Variants in LMBRD1 observed in about 807,000 individuals in gnomAD.
LMBRD1 encodes LMBR1 domain containing 1.
LMBRD1 carries 64 observed loss-of-function variants against 74.8 expected under a neutral mutation model. The ratio of observed to expected loss-of-function variants is 0.86; its 90% CI spans 0.70 to 1.05. The LOEUF is 1.05. Ranked by LOEUF, LMBRD1 falls within the 50% of genes least tolerant of loss-of-function variation. LMBRD1 has a pLI of 0.00. For synonymous variants in LMBRD1, 204 were observed against 216.3 expected, an observed-to-expected ratio of 0.94 and a Z score of 0.50; for missense variants, 652 against 645.9, an observed-to-expected ratio of 1.01 and a Z score of -0.10.
chr6:69,728,913 T>C (rs1375727693), intron 7 of LMBRD1, among the ~76,000 whole-genome samples: 1 of 152,140 alleles, frequency 6.6e-6, no homozygotes, highest in Non-Finnish European at 1.5e-5. Context: ...TGCTGCTACT[T>C]TAACCAGAGC....
chr6:69,714,445 A>C (rs373773579), intron 8 of LMBRD1, among the ~76,000 whole-genome samples: 2 of 152,142 alleles, frequency 1.3e-5, no homozygotes. Context: ...CTTTCTCATC[A>C]TATCTCATAG....
At chr6:69,694,058 C>T (rs1445061636) in intron 14 of LMBRD1, among the ~76,000 whole-genome samples, 1 of 151,968 alleles carries the variant, frequency 6.6e-6, no homozygotes, top group Non-Finnish European at 1.5e-5. Context: ...TCATTTTTAA[C>T]TACTATAAAT....
In LMBRD1 at chr6:69,688,684, A is replaced by G. The variant is rs534652943; in HGVS notation, c.1417+8879T>C. Among the ~76,000 whole-genome samples, 58 of 152,074 alleles carry G rather than the reference A, an allele frequency of 3.8e-4. 1 individual carries two copies. The highest frequency in any genetic ancestry group is 6.8e-3 in the Middle Eastern group (2 of 294). ...GATGTATGTCATCATTGTGTCTCTC[A>G]TTGTTTCATCCTTAAAAATGTGTAA... On this transcript the variant is annotated intron_variant, in intron 14 of 15. Coordinates refer to ENST00000649934, the MANE Select transcript of LMBRD1 (RefSeq NM_018368.4).
At chr6:69,690,953 G>A (rs1765863438) in intron 14 of LMBRD1, among the ~76,000 whole-genome samples, 1 of 152,018 alleles carries the variant, frequency 6.6e-6, no homozygotes, top group African/African-American at 2.4e-5. Context: ...CTCTAAACAT[G>A]ATACTTTATT....
intron 11 of LMBRD1, among the ~76,000 whole-genome samples, chr6:69,701,211 G>A (rs1190106922): frequency 6.6e-6 from 1 of 151,724 alleles, no homozygotes; most frequent in East Asian, 1.9e-4. Context: ...GTCAAATTAT[G>A]TATAACATAA....
chr6:69,782,067 T>C (rs1023058382), intron 2 of LMBRD1, among the ~76,000 whole-genome samples: 1 of 152,214 alleles, frequency 6.6e-6, no homozygotes, highest in Non-Finnish European at 1.5e-5. Context: ...CATCCAGTAA[T>C]GCCAAAATGT....
intron 2 of LMBRD1, among the ~76,000 whole-genome samples, chr6:69,781,792 T>C (rs1177675918): frequency 6.6e-6 from 1 of 152,150 alleles, no homozygotes; most frequent in Admixed American, 6.5e-5. Flanking sequence ...TGTTCCCACA[T>C]TTAAAGATTG....
chr6:69,731,004 T>C (rs1397989793), intron 7 of LMBRD1, among the ~76,000 whole-genome samples: 2 of 152,124 alleles, frequency 1.3e-5, no homozygotes, highest in African/African-American at 4.8e-5. Flanking sequence ...CAAGAAAAGC[T>C]GCACATCAAT....
chr6:69,734,977 A>G (rs959129522), intron 7 of LMBRD1, among the ~76,000 whole-genome samples: 1 of 152,238 alleles, frequency 6.6e-6, no homozygotes, highest in African/African-American at 2.4e-5. Flanking sequence ...AGCTCCTCCT[A>G]CCACCACACA....
chr6:69,759,770 GAA>G (rs1250623036), intron 3 of LMBRD1, among the ~76,000 whole-genome samples: 2 of 151,982 alleles, frequency 1.3e-5, no homozygotes, highest in Non-Finnish European at 1.5e-5. Context: ...TTCTAGTGAG[GAA>G]AAGACACAAT....
intron 3 of LMBRD1, among the ~76,000 whole-genome samples, chr6:69,773,990 T>C (rs1012364474): frequency 6.6e-6 from 1 of 152,212 alleles, no homozygotes; most frequent in Non-Finnish European, 1.5e-5. Context: ...CACAAGATGA[T>C]AGCCTGAAAA....
intron 4 of LMBRD1, among the ~76,000 whole-genome samples, chr6:69,751,091 T>C (rs1765138512): frequency 6.6e-6 from 1 of 152,126 alleles, no homozygotes. Flanking sequence ...CCTTTTAACA[T>C]ATATTTTTTT....
chr6:69,688,401 G>GTTTTTTTT (rs142237925), intron 14 of LMBRD1, among the ~76,000 whole-genome samples: 2 of 148,948 alleles, frequency 1.3e-5, no homozygotes, highest in Non-Finnish European at 1.5e-5. Flanking sequence ...GAAGGGCAGA[G>GTTTTTTTT]ATTTTTTTTT....
intron 14 of LMBRD1, among the ~76,000 whole-genome samples, chr6:69,690,687 C>T (rs1765857850): frequency 1.3e-5 from 2 of 151,996 alleles, no homozygotes; most frequent in Admixed American, 6.6e-5. Context: ...ACCACATTTG[C>T]CCTGATGTGA....
Position 69,701,547 on chromosome 6 carries a change from T to TAA in LMBRD1, c.981-4_981-3dup, listed in dbSNP as rs202207965. Reference sequence around the variant, plus strand: ...GCTGAATGAAGAGCTTTATCTAAACTAAAAAAAATTACAAAGAATGAAATT... The same window carrying TAA: ...GCTGAATGAAGAGCTTTATCTAAACTAAAAAAAAAATTACAAAGAATGAAATT... On this transcript the variant is annotated splice_polypyrimidine_tract_variant and splice_region_variant and intron_variant, in intron 10 of 15. Transcript: ENST00000649934. 3 of 1,542,078 alleles carry TAA rather than the reference T, an allele frequency of 1.9e-6. No homozygotes were observed. Among genetic ancestry groups the TAA allele is most frequent in the East Asian group, 4.5e-5 (2 of 43,962 alleles).
chr6:69,749,461 A>G (rs1011267429), intron 4 of LMBRD1, 53 bp from the exon 5 acceptor site: 45 of 1,391,220 alleles, frequency 3.2e-5, no homozygotes, highest in Admixed American at 5.0e-5. Context: ...TTAAAATATA[A>G]AATATTCTTG....
rs569275565 is a variant in LMBRD1, at chr6:69,777,162, A to G, written c.307+3332T>C. Among the ~76,000 whole-genome samples the G allele has an allele frequency of 9.2e-5, 14 of 151,798 alleles. 1 individual carries two copies. In the South Asian group the frequency reaches 2.9e-3, roughly 32 times the overall value. ...GGCTCCATCTCAAAAAAATTAAAAA[A>G]GGGGTCCGGGCACAATGAGTGGCTC... On this transcript the variant is annotated intron_variant, in intron 3 of 15. Transcript: ENST00000649934.
intron 6 of LMBRD1, among the ~76,000 whole-genome samples, chr6:69,741,311 G>A (rs181242421): frequency 2.0e-5 from 3 of 151,914 alleles, no homozygotes; most frequent in Non-Finnish European, 2.9e-5. Context: ...CAAGCCTTAA[G>A]AATGCAACAC....
chr6:69,788,358 G>A (rs1390153536), intron 2 of LMBRD1, among the ~76,000 whole-genome samples: 2 of 151,766 alleles, frequency 1.3e-5, no homozygotes, highest in Admixed American at 1.3e-4. Context: ...AAACTTAACA[G>A]CTTTCAGAAA....
Sources: allele counts gnomAD v4.1 joint callset (sites outside exome capture counted in the v4.1 genomes callset), GRCh38; gene constraint gnomAD v4.1.1; transcripts MANE v1.5; gene names NCBI Gene and HGNC (gene_info 2026-07-23, HGNC 2026-07-21).